Variants in CSMD3 observed in about 807,000 individuals in gnomAD.
The protein encoded by CSMD3 is CUB and sushi domain-containing protein 3.
A neutral mutation model predicts 435.2 loss-of-function variants in CSMD3; 177 were observed. That is an observed-to-expected ratio of 0.41 (90% CI 0.36 to 0.46). The LOEUF (loss-of-function observed/expected upper bound fraction) is 0.46. Ranked by LOEUF, CSMD3 falls within the 20% of genes least tolerant of loss-of-function variation. The probability of loss-of-function intolerance (pLI) is 0.34; values close to 1 mark genes in which losing one functional copy is unlikely to be tolerated. For synonymous variants in CSMD3, 1,656 were observed against 1,520.5 expected (o/e 1.09, Z -2.07); for missense variants, 4,265 against 4,504.6 (o/e 0.95, Z 1.52).
chr8:112,423,557 C>T (rs899785025), intron 32 of CSMD3, among the ~76,000 whole-genome samples: 4 of 152,048 alleles, frequency 2.6e-5, no homozygotes, highest in African/African-American at 9.7e-5. Context: ...TCAAGCAATC[C>T]ACCCATGTCA....
intron 32 of CSMD3, among the ~76,000 whole-genome samples, chr8:112,465,413 C>T (rs781774209): frequency 1.3e-5 from 2 of 152,268 alleles, no homozygotes; most frequent in East Asian, 1.9e-4. Flanking sequence ...GGCCCACAGC[C>T]TTACCTCGCT....
chr8:113,008,443 CTG>C (rs1270801069), intron 6 of CSMD3, among the ~76,000 whole-genome samples: 7 of 151,786 alleles, frequency 4.6e-5, no homozygotes, highest in Non-Finnish European at 8.8e-5. Flanking sequence ...CTCACCTTAT[CTG>C]TTAAGGATGA....
intron 6 of CSMD3, among the ~76,000 whole-genome samples, chr8:112,994,713 C>A (rs1032376814): frequency 2.0e-5 from 3 of 151,408 alleles, no homozygotes; most frequent in African/African-American, 7.3e-5. Context: ...CATCACACAT[C>A]TTCATATTCA....
chr8:112,760,665 C>T (rs2077815684), intron 13 of CSMD3, among the ~76,000 whole-genome samples: 1 of 152,026 alleles, frequency 6.6e-6, no homozygotes, highest in Admixed American at 6.6e-5. Context: ...ATCACATTTC[C>T]CCTTGAACTT....
intron 13 of CSMD3, among the ~76,000 whole-genome samples, chr8:112,694,113 C>G (rs2076200387): frequency 1.3e-5 from 2 of 151,232 alleles, no homozygotes; most frequent in Non-Finnish European, 2.9e-5. Context: ...GGTATCTACT[C>G]TAATTATTTT....
chr8:113,339,454 T>C (rs1012260558), intron 1 of CSMD3, among the ~76,000 whole-genome samples: 2 of 151,956 alleles, frequency 1.3e-5, no homozygotes, highest in Non-Finnish European at 2.9e-5. Context: ...AAAAAATGCA[T>C]TAAGTTATTT....
At chr8:112,239,938 T>C (rs1361541958) in intron 66 of CSMD3, among the ~76,000 whole-genome samples, 1 of 152,054 alleles carries the variant, frequency 6.6e-6, no homozygotes, top group Non-Finnish European at 1.5e-5. Context: ...ATTCTCTTAA[T>C]AGGGACACAA....
At chr8:112,531,844 A>T (rs1388235677) in intron 27 of CSMD3, among the ~76,000 whole-genome samples, 1 of 152,144 alleles carries the variant, frequency 6.6e-6, no homozygotes, top group Admixed American at 6.6e-5. Flanking sequence ...CCTCAAGAAC[A>T]TTCAAGAAAA....
intron 12 of CSMD3, among the ~76,000 whole-genome samples, chr8:112,810,824 T>C (rs1301311753): frequency 6.6e-6 from 1 of 152,114 alleles, no homozygotes; most frequent in Non-Finnish European, 1.5e-5. Flanking sequence ...AAAATTTAGA[T>C]ATTTGAGTTC....
chr8:112,494,210 A>G (rs1820986530), intron 30 of CSMD3, among the ~76,000 whole-genome samples: 1 of 152,072 alleles, frequency 6.6e-6, no homozygotes, highest in South Asian at 2.1e-4. Context: ...GTAGAACCAC[A>G]CATTTAAATA....
chr8:112,753,399 C>T (rs1271237289), intron 13 of CSMD3, among the ~76,000 whole-genome samples: 3 of 151,950 alleles, frequency 2.0e-5, no homozygotes, highest in African/African-American at 7.3e-5. Flanking sequence ...TAAAATAATA[C>T]ATTTTATAGG....
chr8:112,662,161 G>GA (rs1341462929), intron 17 of CSMD3, among the ~76,000 whole-genome samples: 1 of 151,912 alleles, frequency 6.6e-6, no homozygotes, highest in Non-Finnish European at 1.5e-5. Context: ...CACAGAATTG[G>GA]AAAAAAACTA....
intron 3 of CSMD3, among the ~76,000 whole-genome samples, chr8:113,207,879 T>C (rs757397404): frequency 5.9e-5 from 9 of 152,176 alleles, no homozygotes; most frequent in Non-Finnish European, 8.8e-5. Context: ...TTAGGACACC[T>C]GCTACTTAAC....
intron 6 of CSMD3, among the ~76,000 whole-genome samples, chr8:113,010,516 T>G (rs1274058612): frequency 6.6e-6 from 1 of 151,822 alleles, no homozygotes; most frequent in East Asian, 1.9e-4. Context: ...GTTTAAATTT[T>G]AGAAAATATT....
chr8:112,980,071 TTA>T (rs2084993866), intron 6 of CSMD3, among the ~76,000 whole-genome samples: 1 of 150,798 alleles, frequency 6.6e-6, no homozygotes, highest in African/African-American at 2.4e-5. Context: ...TGAAATTTTA[TTA>T]TGTGTTTTCA....
chr8:113,285,508 C>T (rs1014277971), intron 2 of CSMD3, among the ~76,000 whole-genome samples: 3 of 152,118 alleles, frequency 2.0e-5, no homozygotes, highest in African/African-American at 7.2e-5. Flanking sequence ...ATCCGCCTGC[C>T]TCGGCCTCCC....
chr8:113,223,622 C>CATATATAT (rs3048833), intron 3 of CSMD3, among the ~76,000 whole-genome samples: 11 of 146,124 alleles, frequency 7.5e-5, no homozygotes, highest in African/African-American at 2.5e-4. Context: ...GTCAAGTATA[C>CATATATAT]ATATATATAT....
chr8:113,022,941 A>T (rs1317407590), intron 5 of CSMD3, among the ~76,000 whole-genome samples: 2 of 152,168 alleles, frequency 1.3e-5, no homozygotes, highest in East Asian at 3.9e-4. Flanking sequence ...ATTTATATTT[A>T]AAATCCTATA....
At chr8:112,249,818 A>G (rs1394524283) in intron 63 of CSMD3, among the ~76,000 whole-genome samples, 1 of 151,954 alleles carries the variant, frequency 6.6e-6, no homozygotes, top group African/African-American at 2.4e-5. Flanking sequence ...TAGCTCTTAC[A>G]CTAAAAGAAT....
Sources: allele counts gnomAD v4.1 joint callset (sites outside exome capture counted in the v4.1 genomes callset), GRCh38; gene constraint gnomAD v4.1.1; transcripts MANE v1.5; gene names NCBI Gene and HGNC (gene_info 2026-07-23, HGNC 2026-07-21).